QSOX2: variants seen among roughly 807,000 people sequenced by gnomAD.
QSOX2 encodes sulfhydryl oxidase 2.
In QSOX2, 46 loss-of-function variants were observed where a neutral mutation model predicts 61.7. That is an observed-to-expected ratio of 0.75 (90% CI 0.59 to 0.95). The LOEUF (loss-of-function observed/expected upper bound fraction) is 0.95. QSOX2 is among the 40% of genes least tolerant of loss of function. QSOX2 has a pLI of 0.00. For missense variants in QSOX2, 879 were observed against 918.9 expected (o/e 0.96, Z 0.56); for synonymous variants, 383 against 388.4 (o/e 0.99, Z 0.16).
At chr9:136,211,861 T>C (rs967193321) in intron 10 of QSOX2, among the ~76,000 whole-genome samples, 9 of 152,196 alleles carry the variant, frequency 5.9e-5, no homozygotes, top group Non-Finnish European at 8.8e-5. Flanking sequence ...GGGTGCAGTC[T>C]CTCTTGCCTT....
intron 10 of QSOX2, among the ~76,000 whole-genome samples, chr9:136,212,731 G>A (rs1831862166): frequency 6.6e-6 from 1 of 152,234 alleles, no homozygotes; most frequent in Non-Finnish European, 1.5e-5. Context: ...CAGGCGCGGG[G>A]CCACCCTAAT....
At position 136,223,046 on chromosome 9, in the gene QSOX2, G is replaced by A. The variant is rs945049529; in HGVS notation, c.675+717C>T. ...GGTCACAGTGCAGGTGTCTGCAGCTGCCTTCCCAAGTGCGTCTCCAAAAGC... is the reference window on the plus strand; with the variant it reads ...GGTCACAGTGCAGGTGTCTGCAGCTACCTTCCCAAGTGCGTCTCCAAAAGC... On this transcript the variant is annotated intron_variant, in intron 5 of 11. Coordinates refer to ENST00000358701, the MANE Select transcript of QSOX2 (RefSeq NM_181701.4). The surrounding 1 kb of genome is among the most constrained non-coding windows in gnomAD (Gnocchi z 4.4). Among the ~76,000 whole-genome samples the A allele has an allele frequency of 1.9e-4, 29 of 152,346 alleles. No homozygotes were observed. The highest frequency in any genetic ancestry group is 6.7e-4 in the African/African-American group (28 of 41,584).
In QSOX2 at chr9:136,215,137, G is replaced by A; in HGVS notation, c.1360+17C>T. 6.2e-7 allele frequency: 1 copy of A among 1,612,106 alleles called. No homozygotes were observed. Among genetic ancestry groups the A allele is most frequent in the Non-Finnish European group, 8.5e-7 (1 of 1,179,228 alleles). On this transcript the variant is annotated intron_variant, in intron 10 of 11. Transcript: ENST00000358701. Reference sequence around the variant, plus strand: ...GGCAGACCATCGGCCCCTCTGGCCTGTATGGGCACAGCTTACCTGTGCCAA... The same window carrying A: ...GGCAGACCATCGGCCCCTCTGGCCTATATGGGCACAGCTTACCTGTGCCAA...
chr9:136,215,410 T>G (rs1488305879), intron 9 of QSOX2, 106 bp from the exon 10 acceptor site: 51 of 517,562 alleles, frequency 9.9e-5, no homozygotes, highest in Middle Eastern at 4.2e-4. Flanking sequence ...ATAATGGGGG[T>G]GTGGTTTACT....
In QSOX2 at chr9:136,234,769, C is replaced by T. The variant is rs145168116; in HGVS notation, c.329-7895G>A. Among the ~76,000 whole-genome samples, 1,284 of 141,362 alleles carry T rather than the reference C, an allele frequency of 9.1e-3. 94 individuals are homozygous for T. Among genetic ancestry groups the T allele is most frequent in the African/African-American group, 0.037 (1,248 of 33,662 alleles). 92.7% of individuals were successfully genotyped at this position (141,362 alleles called of 152,430 possible). A position where few individuals can be genotyped will look rare whatever the true frequency, so the allele number is the denominator to read the frequency against. On this transcript the variant is annotated intron_variant, in intron 1 of 11. Transcript: ENST00000358701. ...TCCACAAGGCCCCCCAGCTCCACTG[C>T]GCCCGCCCCAGCCTCATCGCGCCAC...
At chr9:136,243,027 T>C (rs1021211484) in intron 1 of QSOX2, among the ~76,000 whole-genome samples, 7 of 152,162 alleles carry the variant, frequency 4.6e-5, no homozygotes, top group Non-Finnish European at 7.4e-5. Flanking sequence ...TCACCTCCCT[T>C]TGGAGTTTAG....
At chr9:136,211,689 G>A (rs1831848346) in intron 10 of QSOX2, among the ~76,000 whole-genome samples, 2 of 152,194 alleles carry the variant, frequency 1.3e-5, no homozygotes, top group African/African-American at 4.8e-5. Context: ...CCCAGAGGGC[G>A]GACATGCTCC....
intron 1 of QSOX2, among the ~76,000 whole-genome samples, chr9:136,243,084 C>A (rs547320871): frequency 1.3e-5 from 2 of 152,338 alleles, no homozygotes; most frequent in South Asian, 4.1e-4. Flanking sequence ...ACAGACAGCA[C>A]AGCCTCAGCA....
Position 136,223,111 on chromosome 9 carries a change from G to C in QSOX2, c.675+652C>G, listed in dbSNP as rs554485269. Among the ~76,000 whole-genome samples, 12 of 152,336 alleles carry C rather than the reference G, an allele frequency of 7.9e-5. No individual in the cohort carries two copies. Among genetic ancestry groups the C allele is most frequent in the African/African-American group, 2.9e-4 (12 of 41,580 alleles). ...AGCTGTTTCCTACATTCACCGCAAG[G>C]CCCCTCACAGTGGACAGAAAAACAG... On this transcript the variant is annotated intron_variant, in intron 5 of 11. Transcript: ENST00000358701. This position sits in a 1 kb window ranked among gnomAD's most constrained non-coding sequence, Gnocchi z 4.4.
chr9:136,242,794 G>A (rs542180510), intron 1 of QSOX2, among the ~76,000 whole-genome samples: 1 of 152,202 alleles, frequency 6.6e-6, no homozygotes, highest in African/African-American at 2.4e-5. Context: ...CAGCTCCGGG[G>A]ACTCCTCAGT....
chr9:136,220,661 G>A (rs910698084), intron 6 of QSOX2, among the ~76,000 whole-genome samples: 4 of 152,208 alleles, frequency 2.6e-5, no homozygotes, highest in African/African-American at 9.7e-5. Context: ...AGGAGGAGCG[G>A]GGCCCCTCCA....
chr9:136,227,033 T>G (rs1160626119), intron 1 of QSOX2, among the ~76,000 whole-genome samples, 159 bp from the exon 2 acceptor site: 1 of 152,194 alleles, frequency 6.6e-6, no homozygotes, highest in African/African-American at 2.4e-5. Flanking sequence ...AGCGTCTATG[T>G]GGAGCTAGGA....
At chr9:136,214,670 C>G (rs1200636396) in intron 10 of QSOX2, among the ~76,000 whole-genome samples, 1 of 152,232 alleles carries the variant, frequency 6.6e-6, no homozygotes, top group Admixed American at 6.5e-5. Context: ...CGACTGCAGC[C>G]TGACCAATCC....
chr9:136,216,079 G>A (rs11103388), intron 9 of QSOX2, among the ~76,000 whole-genome samples: 34,765 of 152,204 alleles, frequency 0.23, 4,853 homozygotes, highest in Non-Finnish European at 0.32. Flanking sequence ...CGCGGGCGTC[G>A]GACAAGCAGC....
rs543426476 is a variant in QSOX2, at chr9:136,222,153, C to T, written c.676-212G>A. ...CATGAGCAGAAACCACGGTCTTATT[C>T]GGCAATTTTACAAACTCATCAAAGA... On this transcript the variant is annotated intron_variant, in intron 5 of 11. Transcript: ENST00000358701. This position sits in a 1 kb window ranked among gnomAD's most constrained non-coding sequence, Gnocchi z 6.9. 1.6e-4 allele frequency among the ~76,000 whole-genome samples: 24 copies of T among 152,344 alleles called. No individual in the cohort carries two copies. The highest frequency in any genetic ancestry group is 5.3e-4 in the African/African-American group (22 of 41,592).
intron 1 of QSOX2, among the ~76,000 whole-genome samples, chr9:136,228,930 A>G (rs1830306280): frequency 6.6e-6 from 1 of 152,236 alleles, no homozygotes; most frequent in South Asian, 2.1e-4. Context: ...CTCAAACTCC[A>G]GAGGTTCTGT....
At chr9:136,234,437 C>T (rs1046487391) in intron 1 of QSOX2, among the ~76,000 whole-genome samples, 2 of 152,198 alleles carry the variant, frequency 1.3e-5, no homozygotes, top group Non-Finnish European at 2.9e-5. Flanking sequence ...TAACTGAGCC[C>T]CTGGAGGGCC....
chr9:136,231,070 G>A (rs1830324798), intron 1 of QSOX2, among the ~76,000 whole-genome samples: 1 of 152,204 alleles, frequency 6.6e-6, no homozygotes, highest in South Asian at 2.1e-4. Flanking sequence ...AATTTACACA[G>A]CCCTTTACAG....
intron 6 of QSOX2, among the ~76,000 whole-genome samples, chr9:136,220,887 T>TA (rs1831972920): frequency 6.6e-6 from 1 of 152,196 alleles, no homozygotes. Context: ...GTCTTTTTTT[T>TA]AGTATAGATG....
Sources: allele counts gnomAD v4.1 joint callset (sites outside exome capture counted in the v4.1 genomes callset), GRCh38; gene constraint gnomAD v4.1.1; non-coding constraint Gnocchi (gnomAD v3.1); transcripts MANE v1.5; gene names NCBI Gene and HGNC (gene_info 2026-07-23, HGNC 2026-07-21).